AGBL4: variants seen among roughly 807,000 people sequenced by gnomAD.
AGBL4 encodes the protein AGBL carboxypeptidase 4.
Under a neutral mutation model 66.4 loss-of-function variants are expected in AGBL4, and 58 were observed. The ratio of observed to expected loss-of-function variants is 0.87; its 90% CI spans 0.71 to 1.09. AGBL4 has a LOEUF of 1.09. Ranked by LOEUF, AGBL4 falls within the 50% of genes least tolerant of loss-of-function variation. The pLI, the probability that AGBL4 is intolerant of heterozygous loss-of-function variation, is 0.00. For missense variants in AGBL4, 579 were observed against 631.0 expected (o/e 0.92, Z 0.88); for synonymous variants, 234 against 222.9 (o/e 1.05, Z -0.44).
At chr1:48,914,925 C>T (rs867233608) in intron 5 of AGBL4, among the ~76,000 whole-genome samples, 4 of 152,294 alleles carry the variant, frequency 2.6e-5, no homozygotes, top group Middle Eastern at 3.4e-3. Flanking sequence ...CTGCACATTA[C>T]AATCACCTGC....
chr1:49,723,996 T>C (rs1456850108), intron 2 of AGBL4, among the ~76,000 whole-genome samples: 4 of 152,132 alleles, frequency 2.6e-5, no homozygotes, highest in Non-Finnish European at 4.4e-5. Flanking sequence ...AGTCCAATAG[T>C]TTATGTCAGT....
intron 6 of AGBL4, among the ~76,000 whole-genome samples, chr1:48,811,705 CA>C (rs34673153): frequency 0.92 from 139,650 of 152,096 alleles, 65,255 homozygotes; most frequent in East Asian, 1. Flanking sequence ...CTGTCTTGCC[CA>C]ACTCTGGTTT....
At chr1:49,980,009 A>G (rs986967565) in intron 1 of AGBL4, among the ~76,000 whole-genome samples, 4 of 152,196 alleles carry the variant, frequency 2.6e-5, no homozygotes, top group African/African-American at 9.6e-5. Flanking sequence ...CTTCCTTATG[A>G]TTTTCTTAAT....
intron 4 of AGBL4, among the ~76,000 whole-genome samples, chr1:49,178,749 G>A (rs1194704092): frequency 6.6e-6 from 1 of 152,132 alleles, no homozygotes; most frequent in Non-Finnish European, 1.5e-5. Flanking sequence ...TGAGTGAGCT[G>A]AGCCTATTTT....
chr1:49,453,815 A>G (rs984716094), intron 3 of AGBL4, among the ~76,000 whole-genome samples: 3 of 151,830 alleles, frequency 2.0e-5, no homozygotes, highest in Non-Finnish European at 4.4e-5. Flanking sequence ...ATTGGGACCT[A>G]TGAGAAGACA....
chr1:49,788,643 A>G (rs1455283444), intron 2 of AGBL4, among the ~76,000 whole-genome samples: 1 of 152,168 alleles, frequency 6.6e-6, no homozygotes, highest in Admixed American at 6.5e-5. Context: ...TTAAAAATTC[A>G]TGAAATGGGC....
At chr1:49,144,468 G>C (rs540393592) in intron 4 of AGBL4, among the ~76,000 whole-genome samples, 1 of 151,230 alleles carries the variant, frequency 6.6e-6, no homozygotes, top group Admixed American at 6.6e-5. Flanking sequence ...GGAGGGGAGG[G>C]GAGTCATGCT....
chr1:48,863,325 A>G (rs1647667297), intron 6 of AGBL4, among the ~76,000 whole-genome samples: 1 of 152,166 alleles, frequency 6.6e-6, no homozygotes, highest in Non-Finnish European at 1.5e-5. Flanking sequence ...ACATATAAAA[A>G]TGTTTAAAAG....
intron 1 of AGBL4, among the ~76,000 whole-genome samples, chr1:49,889,221 C>T (rs980251523): frequency 3.3e-5 from 5 of 152,032 alleles, no homozygotes; most frequent in South Asian, 2.1e-4. Context: ...CATCTGTAGT[C>T]GTAGCTACTC....
chr1:48,882,578 G>C (rs1467967823), intron 5 of AGBL4, among the ~76,000 whole-genome samples: 1 of 152,074 alleles, frequency 6.6e-6, no homozygotes, highest in African/African-American at 2.4e-5. Context: ...AAGTATGTGA[G>C]AGACAGATAT....
At chr1:48,808,420 G>C (rs919439263) in intron 6 of AGBL4, among the ~76,000 whole-genome samples, 1 of 152,116 alleles carries the variant, frequency 6.6e-6, no homozygotes, top group Non-Finnish European at 1.5e-5. Flanking sequence ...TCTTCCCAAG[G>C]TCATGTAGTA....
intron 3 of AGBL4, among the ~76,000 whole-genome samples, chr1:49,344,132 T>A (rs1645593326): frequency 6.6e-6 from 1 of 152,124 alleles, no homozygotes; most frequent in Non-Finnish European, 1.5e-5. Context: ...CTCTGTCTAG[T>A]GTCCTAGGCT....
At chr1:49,833,908 T>C (rs1214058434) in intron 2 of AGBL4, among the ~76,000 whole-genome samples, 3 of 152,048 alleles carry the variant, frequency 2.0e-5, no homozygotes, top group Non-Finnish European at 2.9e-5. Flanking sequence ...GACAATGGGG[T>C]TTTCTAGATA....
chr1:48,734,566 GA>G (rs1648710085), intron 6 of AGBL4, among the ~76,000 whole-genome samples: 1 of 152,100 alleles, frequency 6.6e-6, no homozygotes, highest in African/African-American at 2.4e-5. Flanking sequence ...CCACCTCCCT[GA>G]CCTCACTCTT....
intron 3 of AGBL4, among the ~76,000 whole-genome samples, chr1:49,401,594 G>A (rs528124356): frequency 2.0e-5 from 3 of 152,166 alleles, no homozygotes; most frequent in South Asian, 2.1e-4. Flanking sequence ...CTAGTATTTG[G>A]TTGAAAATTT....
chr1:49,009,667 A>C (rs1447629596), intron 5 of AGBL4, among the ~76,000 whole-genome samples: 1 of 150,414 alleles, frequency 6.6e-6, no homozygotes, highest in Non-Finnish European at 1.5e-5. Flanking sequence ...GCACATCAAA[A>C]AGCTTATCCA....
In AGBL4 at chr1:48,556,313, C is replaced by T. The variant is rs571669204; in HGVS notation, c.1268-16575G>A. Among the ~76,000 whole-genome samples, 10 of 152,242 alleles carry T rather than the reference C, an allele frequency of 6.6e-5. No individual in the cohort carries two copies. In the South Asian group the frequency reaches 8.3e-4, roughly 13 times the overall value. On this transcript the variant is annotated intron_variant, in intron 11 of 13. Transcript: ENST00000371839. ...CATTCTCACTCCCCCACACCTCTGA[C>T]GGGCCAGCTGGCCTGTCTGTCTGAC...
chr1:49,493,245 T>C (rs1394805858), intron 3 of AGBL4, among the ~76,000 whole-genome samples: 1 of 152,030 alleles, frequency 6.6e-6, no homozygotes, highest in Non-Finnish European at 1.5e-5. Context: ...TATATGTTAA[T>C]GCTTACTACA....
chr1:48,762,418 C>G (rs1034686248), intron 6 of AGBL4, among the ~76,000 whole-genome samples: 2 of 152,174 alleles, frequency 1.3e-5, no homozygotes, highest in African/African-American at 2.4e-5. Flanking sequence ...AGGCAAAAAT[C>G]TGAATCATCT....
Sources: gnomAD v4.1 joint callset for allele counts (sites outside exome capture counted in the v4.1 genomes callset) on GRCh38, gnomAD v4.1.1 for gene constraint, MANE v1.5 for transcripts, NCBI Gene and HGNC (gene_info 2026-07-23, HGNC 2026-07-21) for gene names.